Variants in ACAN observed in about 807,000 individuals in gnomAD.
ACAN encodes the protein aggrecan core protein.
Under a neutral mutation model 169.1 loss-of-function variants are expected in ACAN, and 47 were observed. The observed-to-expected ratio is 0.28, with a 90% CI of 0.22 to 0.35. The LOEUF (loss-of-function observed/expected upper bound fraction) is 0.35. Ranked by LOEUF, ACAN falls within the 10% of genes least tolerant of loss-of-function variation. The probability of loss-of-function intolerance (pLI) is 1.00; values close to 1 mark genes in which losing one functional copy is unlikely to be tolerated. For synonymous variants in ACAN, 1,115 were observed against 1,112.2 expected (o/e 1.00, Z -0.05); for missense variants, 2,716 against 2,759.9 (o/e 0.98, Z 0.36).
Position 88,869,683 on chromosome 15 carries a change from C to G in ACAN, c.7060+1354C>G, listed in dbSNP as rs1209709632. Among the ~76,000 whole-genome samples the G allele has an allele frequency of 2.0e-5, 3 of 152,298 alleles. No individual in the cohort carries two copies. The highest frequency in any genetic ancestry group is 6.5e-5 in the Admixed American group (1 of 15,304). On this transcript the variant is annotated intron_variant, in intron 14 of 18. Transcript: ENST00000560601. The surrounding 1 kb of genome is among the most constrained non-coding windows in gnomAD (Gnocchi z 4.2). ...ATGGAGGCAGGACCCTCACAGGGCT[C>G]TGTACCCTGATGGGGCAGAGAGATG...
At chr15:88,824,748 A>G (rs939122211) in intron 1 of ACAN, among the ~76,000 whole-genome samples, 1 of 151,992 alleles carries the variant, frequency 6.6e-6, no homozygotes, top group African/African-American at 2.4e-5. Context: ...ACATGGTGGC[A>G]CACACCTGTA....
At position 88,806,790 on chromosome 15, in the gene ACAN, C is replaced by A. The variant is rs558829195; in HGVS notation, c.-8+2981C>A. 2.0e-5 allele frequency among the ~76,000 whole-genome samples: 3 copies of A among 152,260 alleles called. No individual in the cohort carries two copies. The South Asian group carries it at 6.2e-4, about 32-fold the overall frequency. ...TCCCACTTTGAGTCTGTCTCTGCTG[C>A]TGCAGGGATGTCTAGCACCAGATTT... On this transcript the variant is annotated intron_variant, in intron 1 of 18. Transcript: ENST00000560601.
Position 88,873,567 on chromosome 15 carries a change from T to C in ACAN, c.7448-275T>C. 2.0e-6 allele frequency: 1 copy of C among 491,822 alleles called. No individual in the cohort carries two copies. The allele number at this position is 491,822 out of a possible 1,614,324, so 30.5% of individuals were successfully genotyped here. ...TTTCATCAAGAAGCCTGAGTCTGCC[T>C]GGCTCTCGCCCTCCACACCTTTCTA... On this transcript the variant is annotated intron_variant, in intron 17 of 18. Transcript: ENST00000560601. This position sits in a 1 kb window ranked among gnomAD's most constrained non-coding sequence, Gnocchi z 7.5.
rs1896554157 is a variant in ACAN at position 88,838,178 on chromosome 15, A to T, written c.71-485A>T. On this transcript the variant is annotated intron_variant, in intron 2 of 18. Coordinates refer to ENST00000560601, the MANE Select transcript of ACAN (RefSeq NM_001369268.1). The surrounding 1 kb of genome is among the most constrained non-coding windows in gnomAD (Gnocchi z 5.1). ...TGGCAAAATCAGGCTCGCACCCAAA[A>T]GCAGACCTCCCCAAATGGGACACAT... Among the ~76,000 whole-genome samples the T allele has an allele frequency of 6.6e-6, 1 of 152,062 alleles. No individual in the cohort carries two copies. The highest frequency in any genetic ancestry group is 1.5e-5 in the Non-Finnish European group (1 of 67,992).
intron 13 of ACAN, among the ~76,000 whole-genome samples, chr15:88,863,479 G>A (rs1028320333): frequency 6.6e-6 from 1 of 152,168 alleles, no homozygotes; most frequent in East Asian, 1.9e-4. Context: ...TCTTTAAATA[G>A]GAATATTTTT....
In ACAN at chr15:88,866,282, G is replaced by A. The variant is rs1479464864; in HGVS notation, c.6947-1934G>A. On this transcript the variant is annotated intron_variant, in intron 13 of 18. Coordinates refer to ENST00000560601, the MANE Select transcript of ACAN (RefSeq NM_001369268.1). The surrounding 1 kb of genome is among the most constrained non-coding windows in gnomAD (Gnocchi z 5.6). ...ACTCTTCTCCCCAGAGGCCACTCCT[G>A]TTCCCTGCTCTGTACAACTGCTTTA... 2.0e-5 allele frequency among the ~76,000 whole-genome samples: 3 copies of A among 152,170 alleles called. No homozygotes were observed. The highest frequency in any genetic ancestry group is 7.2e-5 in the African/African-American group (3 of 41,426).
rs1320094952 is a variant in ACAN at position 88,872,383 on chromosome 15, G to A, written c.7302+298G>A. Among the ~76,000 whole-genome samples, 2 of 152,162 alleles carry A rather than the reference G, an allele frequency of 1.3e-5. No homozygotes were observed. Among genetic ancestry groups the A allele is most frequent in the East Asian group, 1.9e-4 (1 of 5,198 alleles). On this transcript the variant is annotated intron_variant, in intron 16 of 18. Coordinates refer to ENST00000560601, the MANE Select transcript of ACAN (RefSeq NM_001369268.1). The surrounding 1 kb of genome is among the most constrained non-coding windows in gnomAD (Gnocchi z 5.4). ...GAGGTTTCTTGCCCACACTGAACTC[G>A]AGTCTACTCAAGGAGACAGACAGAA... is the stretch of plus-strand genomic sequence containing the variant.
intron 1 of ACAN, among the ~76,000 whole-genome samples, chr15:88,827,324 A>G (rs759101247): frequency 3.9e-5 from 6 of 152,244 alleles, no homozygotes; most frequent in African/African-American, 9.6e-5. Flanking sequence ...AATGATCCCT[A>G]GGCTAAAATA....
intron 1 of ACAN, among the ~76,000 whole-genome samples, chr15:88,832,218 A>G (rs971886562): frequency 6.6e-6 from 1 of 152,072 alleles, no homozygotes; most frequent in Non-Finnish European, 1.5e-5. Context: ...GAAAAAAAAG[A>G]AGTTGTGTGG....
rs757439227 is a variant in ACAN at position 88,838,963 on chromosome 15, G to T, written c.371G>T (p.Arg124Leu). ...SDATLEVQSL[R>L]SNDSGVYRCE... ...GCCACCTTGGAAGTCCAGAGCCTGC[G>T]CTCCAATGACTCTGGGGTCTACCGC... is the stretch of plus-strand genomic sequence containing the variant. The change falls in exon 3 of 19, where the codon CGC becomes CTC. Residue 124 changes from arginine (R) to leucine (L), a missense_variant. Physicochemically the swap from Arg to Leu is moderately radical, Grantham distance 102 (BLOSUM62 -2). Transcript: ENST00000560601. The surrounding 1 kb of genome is among the most constrained non-coding windows in gnomAD (Gnocchi z 5.1). 6.2e-7 allele frequency: 1 copy of T among 1,613,586 alleles called. No homozygotes were observed. Among genetic ancestry groups the T allele is most frequent in the Admixed American group, 1.7e-5 (1 of 60,034 alleles).
At position 88,838,393 on chromosome 15, in the gene ACAN, C is replaced by T. The variant is rs1335510298; in HGVS notation, c.71-270C>T. ...GTTGGTCCTGACTCTGACGTCTCCC[C>T]TCCCTCCTCTGGAATCCTTTTCTAG... On this transcript the variant is annotated intron_variant, in intron 2 of 18. Coordinates refer to ENST00000560601, the MANE Select transcript of ACAN (RefSeq NM_001369268.1). The surrounding 1 kb of genome is among the most constrained non-coding windows in gnomAD (Gnocchi z 5.1). 1.3e-5 allele frequency among the ~76,000 whole-genome samples: 2 copies of T among 152,164 alleles called. No homozygotes were observed. Among genetic ancestry groups the T allele is most frequent in the Non-Finnish European group, 2.9e-5 (2 of 68,042 alleles).
chr15:88,863,489 T>A (rs1897236700), intron 13 of ACAN, among the ~76,000 whole-genome samples: 1 of 152,242 alleles, frequency 6.6e-6, no homozygotes, highest in African/African-American at 2.4e-5. Flanking sequence ...GGAATATTTT[T>A]AAAAACTACT....
intron 1 of ACAN, among the ~76,000 whole-genome samples, 191 bp downstream of exon 1, chr15:88,804,000 T>A (rs1048076286): frequency 6.6e-6 from 1 of 152,190 alleles, no homozygotes; most frequent in African/African-American, 2.4e-5. Context: ...TTTTGGCTGT[T>A]GCAGACTCAG....
At position 88,814,588 on chromosome 15, in the gene ACAN, G is replaced by T. The variant is rs1462520274; in HGVS notation, c.-8+10779G>T. Among the ~76,000 whole-genome samples, 1 of 152,156 alleles carries T rather than the reference G, an allele frequency of 6.6e-6. No individual in the cohort carries two copies. The highest frequency in any genetic ancestry group is 1.5e-5 in the Non-Finnish European group (1 of 68,028). ...TGTGGCAGGTTCTGCTGTACACAGGGCTCCCACAATGCATCACTCCAGAGG... is the reference window on the plus strand; with the variant it reads ...TGTGGCAGGTTCTGCTGTACACAGGTCTCCCACAATGCATCACTCCAGAGG... On this transcript the variant is annotated intron_variant, in intron 1 of 18. Coordinates refer to ENST00000560601, the MANE Select transcript of ACAN (RefSeq NM_001369268.1). This position sits in a 1 kb window ranked among gnomAD's most constrained non-coding sequence, Gnocchi z 4.0.
In ACAN at chr15:88,844,900, T is replaced by C. The variant is rs144971358; in HGVS notation, c.1052-605T>C. On this transcript the variant is annotated intron_variant, in intron 6 of 18. Coordinates refer to ENST00000560601, the MANE Select transcript of ACAN (RefSeq NM_001369268.1). ...ACACAATGACAACTCATTACACGTT[T>C]CATTTCCACAACCTGATCTTACAGG... is the stretch of plus-strand genomic sequence containing the variant. Among the ~76,000 whole-genome samples, 12 of 152,332 alleles carry C rather than the reference T, an allele frequency of 7.9e-5. No homozygotes were observed. The East Asian group carries it at 2.3e-3, about 29-fold the overall frequency.
intron 1 of ACAN, among the ~76,000 whole-genome samples, chr15:88,818,131 A>T (rs1302853777): frequency 6.6e-6 from 1 of 152,210 alleles, no homozygotes; most frequent in African/African-American, 2.4e-5. Context: ...TCTCTACCAG[A>T]GACAGGAAGG....
In ACAN at chr15:88,874,679, C is replaced by A; in HGVS notation, c.*198C>A. 1 of 674,336 alleles carries A rather than the reference C, an allele frequency of 1.5e-6. No homozygotes were observed. The highest frequency in any genetic ancestry group is 2.7e-6 in the Non-Finnish European group (1 of 370,024). 41.8% of individuals were successfully genotyped at this position (674,336 alleles called of 1,614,324 possible). ...TCAGCAAAACCGCATCTAATTTGTC[C>A]GCCGAATGCCAAAGCAAAGCAAACT... On this transcript the variant is annotated 3_prime_UTR_variant, in exon 19 of 19. Coordinates refer to ENST00000560601, the MANE Select transcript of ACAN (RefSeq NM_001369268.1). This position sits in a 1 kb window ranked among gnomAD's most constrained non-coding sequence, Gnocchi z 7.3.
At chr15:88,829,121 A>ATTG (rs397736152) in intron 1 of ACAN, among the ~76,000 whole-genome samples, 2 of 151,680 alleles carry the variant, frequency 1.3e-5, no homozygotes, top group African/African-American at 2.4e-5. Flanking sequence ...AATTTGATTT[A>ATTG]AGATGCTTCA....
chr15:88,854,255 C>A (rs1167088707), intron 11 of ACAN, among the ~76,000 whole-genome samples: 1 of 152,220 alleles, frequency 6.6e-6, no homozygotes, highest in Admixed American at 6.5e-5. Flanking sequence ...CCCAGCATCA[C>A]AAGGAGGGCT....
Sources: allele counts gnomAD v4.1 joint callset (sites outside exome capture counted in the v4.1 genomes callset), GRCh38; gene constraint gnomAD v4.1.1; non-coding constraint Gnocchi (gnomAD v3.1); transcripts MANE v1.5; gene names NCBI Gene and HGNC (gene_info 2026-07-23, HGNC 2026-07-21).